The following SLC25A13 variants were observed in gnomAD, a reference collection of about 807,000 sequenced individuals.
SLC25A13 encodes solute carrier family 25 member 13.
Under a neutral mutation model 85.5 loss-of-function variants are expected in SLC25A13, and 70 were observed. The observed-to-expected ratio is 0.82, with a 90% CI of 0.68 to 1.00. The LOEUF (loss-of-function observed/expected upper bound fraction) is 1.00, where lower values mean the gene tolerates loss of function less well. Among genes scored for constraint, SLC25A13 ranks in the 50% least tolerant of loss-of-function variants. The pLI is 0.00. For synonymous variants in SLC25A13, 259 were observed against 288.7 expected, an observed-to-expected ratio of 0.90 and a Z score of 1.04; for missense variants, 765 against 819.8, an observed-to-expected ratio of 0.93 and a Z score of 0.82.
chr7:96,276,093 A>G (rs924592208), intron 3 of SLC25A13, among the ~76,000 whole-genome samples: 2 of 152,220 alleles, frequency 1.3e-5, no homozygotes. Flanking sequence ...GCAATCTGTC[A>G]AAAGGGTGCT....
At chr7:96,158,051 G>C (rs1432751491) in intron 13 of SLC25A13, among the ~76,000 whole-genome samples, 3 of 152,156 alleles carry the variant, frequency 2.0e-5, no homozygotes, top group Non-Finnish European at 4.4e-5. Flanking sequence ...GGAAATATCA[G>C]TAGCCTAAAT....
chr7:96,182,875 A>G (rs187426821), intron 11 of SLC25A13, among the ~76,000 whole-genome samples: 1 of 152,372 alleles, frequency 6.6e-6, no homozygotes, highest in Non-Finnish European at 1.5e-5. Flanking sequence ...AAAGTAGTTT[A>G]TGAAGCAATG....
chr7:96,191,005 T>A lies in SLC25A13; in HGVS notation c.754+104A>T, dbSNP rs918168172. On this transcript the variant is annotated intron_variant, in intron 7 of 17. Coordinates refer to ENST00000265631, the MANE Select transcript of SLC25A13 (RefSeq NM_014251.3). Reference sequence around the variant, plus strand: ...CACACGTTATCATATAGTTAATATGTGTCAATGGGATAGAAAAATAATAAA... The same window carrying A: ...CACACGTTATCATATAGTTAATATGAGTCAATGGGATAGAAAAATAATAAA... 7 of 1,311,838 alleles carry A rather than the reference T, an allele frequency of 5.3e-6. No homozygotes were observed. The African/African-American group carries it at 7.2e-5, about 14-fold the overall frequency. 81.3% of individuals were successfully genotyped at this position (1,311,838 alleles called of 1,614,324 possible).
intron 15 of SLC25A13, 88 bp downstream of exon 15, chr7:96,131,655 C>G: frequency 6.3e-7 from 1 of 1,586,440 alleles, no homozygotes; most frequent in Non-Finnish European, 8.6e-7. Flanking sequence ...GAACTATCAG[C>G]AAAAAAATTT....
chr7:96,235,698 G>A (rs1796718796), intron 3 of SLC25A13, among the ~76,000 whole-genome samples: 1 of 152,180 alleles, frequency 6.6e-6, no homozygotes, highest in African/African-American at 2.4e-5. Flanking sequence ...CTGGACAGTG[G>A]AGTGCATAAA....
intron 11 of SLC25A13, among the ~76,000 whole-genome samples, chr7:96,171,949 G>GA (rs74217823): frequency 1.3e-5 from 2 of 151,226 alleles, no homozygotes; most frequent in Non-Finnish European, 3.0e-5. Flanking sequence ...TCTTCTTAAA[G>GA]AAAAAAAAAT....
In SLC25A13 at chr7:96,208,858, C is replaced by G. The variant is rs1795569337; in HGVS notation, c.448G>C (p.Glu150Gln). ...KERKRHLTYA[E>Q]FTQFLLEIQL... ...CCCACCAATAAAAACTGAGTAAATT[C>G]CGCATATGTCAGGTGTCTTTTTCTT... Residue 150 changes from glutamate to glutamine, a missense_variant, in exon 5 of 18, where the codon GAA becomes CAA. By Grantham distance (29) the Glu-to-Gln change is conservative. Coordinates refer to ENST00000265631, the MANE Select transcript of SLC25A13 (RefSeq NM_014251.3). The G allele has an allele frequency of 1.9e-6, 3 of 1,614,036 alleles. No individual in the cohort carries two copies. The East Asian group carries it at 6.7e-5, about 36-fold the overall frequency.
chr7:96,193,334 G>C (rs1403490482), intron 5 of SLC25A13, 151 bp from the exon 6 acceptor site: 2 of 924,072 alleles, frequency 2.2e-6, no homozygotes, highest in Non-Finnish European at 3.3e-6. Flanking sequence ...CCAAGCTACT[G>C]TCTCCTTCCA....
intron 3 of SLC25A13, among the ~76,000 whole-genome samples, chr7:96,258,823 G>A (rs1480283704): frequency 1.3e-5 from 2 of 152,120 alleles, no homozygotes; most frequent in African/African-American, 2.4e-5. Context: ...TACACTATAA[G>A]GCTGCAGTAA....
intron 3 of SLC25A13, among the ~76,000 whole-genome samples, chr7:96,253,356 T>C (rs1034434587): frequency 2.0e-5 from 3 of 151,944 alleles, no homozygotes; most frequent in Non-Finnish European, 4.4e-5. Context: ...TGCAGGTAAA[T>C]TGAGAAGGGA....
chr7:96,198,028 G>A (rs897519466), intron 5 of SLC25A13, among the ~76,000 whole-genome samples: 3 of 152,278 alleles, frequency 2.0e-5, no homozygotes, highest in African/African-American at 4.8e-5. Flanking sequence ...CCAGAAATAC[G>A]TGTTCAACCA....
At chr7:96,176,598 T>A (rs1322474585) in intron 11 of SLC25A13, among the ~76,000 whole-genome samples, 1 of 152,082 alleles carries the variant, frequency 6.6e-6, no homozygotes, top group Non-Finnish European at 1.5e-5. Context: ...CTGAATTCAG[T>A]CCCTTGCGCA....
At chr7:96,310,133 AC>A (rs1799898334) in intron 1 of SLC25A13, among the ~76,000 whole-genome samples, 1 of 152,200 alleles carries the variant, frequency 6.6e-6, no homozygotes, top group South Asian at 2.1e-4. Flanking sequence ...AGTCTCTAGT[AC>A]TTTGTTATGG....
intron 6 of SLC25A13, among the ~76,000 whole-genome samples, chr7:96,191,897 G>T (rs1180360041): frequency 6.6e-6 from 1 of 152,096 alleles, no homozygotes; most frequent in African/African-American, 2.4e-5. Context: ...CTTCACAGGG[G>T]ACAAGGGAAA....
chr7:96,164,657 T>A (rs376444114), intron 13 of SLC25A13, among the ~76,000 whole-genome samples: 14 of 151,592 alleles, frequency 9.2e-5, no homozygotes, highest in African/African-American at 3.4e-4. Context: ...CTGCCTCTTG[T>A]TAGATGTGAT....
In SLC25A13 at chr7:96,223,001, C is replaced by T. The variant is rs1353891775; in HGVS notation, c.328+11801G>A. Among the ~76,000 whole-genome samples the T allele has an allele frequency of 3.3e-5, 5 of 152,128 alleles. No individual in the cohort carries two copies. In the East Asian group the frequency reaches 5.8e-4, roughly 18 times the overall value. ...AGATATATGTCTACTAGTTCAACTG[C>T]CCCTCTATAAAAAGCAGCTTTTATC... On this transcript the variant is annotated intron_variant, in intron 4 of 17. Coordinates refer to ENST00000265631, the MANE Select transcript of SLC25A13 (RefSeq NM_014251.3).
At chr7:96,169,955 C>G in intron 13 of SLC25A13, 90 bp downstream of exon 13, 2 of 1,326,772 alleles carry the variant, frequency 1.5e-6, no homozygotes, top group Non-Finnish European at 2.2e-6. Flanking sequence ...TGTGGTTAAA[C>G]AGAAGCCTTA....
At chr7:96,235,319 A>G (rs1171251711) in intron 3 of SLC25A13, among the ~76,000 whole-genome samples, 1 of 152,210 alleles carries the variant, frequency 6.6e-6, no homozygotes, top group Non-Finnish European at 1.5e-5. Context: ...ACACCATGCA[A>G]AAAACGGTTC....
At chr7:96,304,121 C>T (rs1277071267) in intron 1 of SLC25A13, among the ~76,000 whole-genome samples, 3 of 152,140 alleles carry the variant, frequency 2.0e-5, no homozygotes, top group Non-Finnish European at 4.4e-5. Context: ...GTCACTCATC[C>T]TTCATCCTAC....
Sources: allele counts gnomAD v4.1 joint callset (sites outside exome capture counted in the v4.1 genomes callset), GRCh38; gene constraint gnomAD v4.1.1; transcripts MANE v1.5; gene names NCBI Gene and HGNC (gene_info 2026-07-23, HGNC 2026-07-21).